Variants in SLC44A5 observed in about 807,000 individuals in gnomAD.
The protein encoded by SLC44A5 is solute carrier family 44 member 5, also known as choline transporter-like protein 5.
A neutral mutation model predicts 101.8 loss-of-function variants in SLC44A5; 57 were observed. That is an observed-to-expected ratio of 0.56 (90% CI 0.45 to 0.70). SLC44A5 has a LOEUF of 0.70. SLC44A5 is among the 30% of genes least tolerant of loss of function. The pLI is 0.00. For synonymous variants in SLC44A5, 281 were observed against 290.9 expected (o/e 0.97, Z 0.35); for missense variants, 737 against 853.1 (o/e 0.86, Z 1.70).
At chr1:75,712,713 A>AAAAAAAGAAAAAAAAAAAAAAAAAATAAC in the SLC44A5 span, among the ~76,000 whole-genome samples, 1 of 110,642 alleles carries the variant, frequency 9.0e-6, no homozygotes. Flanking sequence ...AAAAAAAAAA[A>AAAAAAAGAAAAAAAAAAAAAAAAAATAAC]ATGGAAAAGA....
At chr1:75,390,713 A>G (rs181262359) in intron 3 of SLC44A5, among the ~76,000 whole-genome samples, 1 of 152,322 alleles carries the variant, frequency 6.6e-6, no homozygotes, top group East Asian at 1.9e-4. Flanking sequence ...TGAGCAATTT[A>G]TGAAAAACCT....
At chr1:75,661,162 T>G in the SLC44A5 span, among the ~76,000 whole-genome samples, 1 of 151,794 alleles carries the variant, frequency 6.6e-6, no homozygotes, top group African/African-American at 2.4e-5. Context: ...GGAACAGAAT[T>G]GAAAACACAG....
intron 10 of SLC44A5, among the ~76,000 whole-genome samples, chr1:75,238,015 T>A (rs1480630987): frequency 6.6e-6 from 1 of 151,558 alleles, no homozygotes; most frequent in East Asian, 1.9e-4. Context: ...CCAAGGGACG[T>A]GGGGAATTTA....
At chr1:75,341,378 A>G (rs1657864432) in intron 3 of SLC44A5, among the ~76,000 whole-genome samples, 2 of 152,252 alleles carry the variant, frequency 1.3e-5, no homozygotes, top group Admixed American at 1.3e-4. Context: ...GCTATTCCAA[A>G]GGCTGAGGCA....
chr1:75,696,897 A>C, the SLC44A5 span, among the ~76,000 whole-genome samples: 1 of 152,102 alleles, frequency 6.6e-6, no homozygotes, highest in African/African-American at 2.4e-5. Flanking sequence ...TCAGAAAAAA[A>C]AAAAAGGTGA....
intron 3 of SLC44A5, among the ~76,000 whole-genome samples, chr1:75,359,975 A>G (rs1659369506): frequency 6.6e-6 from 1 of 152,110 alleles, no homozygotes; most frequent in Non-Finnish European, 1.5e-5. Context: ...TTTTTGAGAA[A>G]TGTCTGTTCA....
chr1:75,633,518 G>A, the SLC44A5 span, among the ~76,000 whole-genome samples: 2 of 152,060 alleles, frequency 1.3e-5, no homozygotes, highest in Non-Finnish European at 2.9e-5. Flanking sequence ...TTGGCTCTCT[G>A]TATGTCTGTT....
chr1:75,449,740 C>T (rs533922961), intron 2 of SLC44A5, among the ~76,000 whole-genome samples: 12 of 152,216 alleles, frequency 7.9e-5, no homozygotes, highest in African/African-American at 2.9e-4. Flanking sequence ...TGGTGGCTCA[C>T]GCCTGTAATC....
intron 2 of SLC44A5, among the ~76,000 whole-genome samples, chr1:75,500,846 A>G (rs1232267965): frequency 6.6e-6 from 1 of 152,184 alleles, no homozygotes; most frequent in Non-Finnish European, 1.5e-5. Context: ...AAGGGTTCCA[A>G]GGAGTCTAGT....
chr1:75,677,829 T>C, the SLC44A5 span: 1 of 389,728 alleles, frequency 2.6e-6, no homozygotes, highest in South Asian at 1.8e-5. Flanking sequence ...ATGGGTGATT[T>C]CTGCATTTCC....
intron 2 of SLC44A5, among the ~76,000 whole-genome samples, chr1:75,445,386 C>T (rs1665494701): frequency 1.3e-5 from 2 of 151,984 alleles, no homozygotes; most frequent in Non-Finnish European, 2.9e-5. Flanking sequence ...GCCTGTAGAA[C>T]CATGAGCTAA....
At chr1:75,316,003 T>C (rs933336619) in intron 4 of SLC44A5, among the ~76,000 whole-genome samples, 3 of 152,212 alleles carry the variant, frequency 2.0e-5, no homozygotes, top group Non-Finnish European at 1.5e-5. Flanking sequence ...TCTGGAGTGA[T>C]AGCACAGCCT....
chr1:75,264,604 C>A (rs12071030), intron 6 of SLC44A5, among the ~76,000 whole-genome samples: 4,402 of 151,614 alleles, frequency 0.029, 217 homozygotes, highest in African/African-American at 0.1. Context: ...AAAGGAAAAC[C>A]AAAACACAAT....
chr1:75,450,980 T>C (rs994769754), intron 2 of SLC44A5, among the ~76,000 whole-genome samples: 5 of 152,130 alleles, frequency 3.3e-5, no homozygotes, highest in African/African-American at 1.2e-4. Flanking sequence ...TCTTTAGGCA[T>C]CTGGAGCATC....
the SLC44A5 span, among the ~76,000 whole-genome samples, chr1:75,648,619 G>A: frequency 2.2e-4 from 34 of 152,058 alleles, no homozygotes; most frequent in African/African-American, 8.0e-4. Context: ...AAAGAAGGGA[G>A]AGGTGAGAGT....
At chr1:75,518,298 T>A (rs919017347) in intron 2 of SLC44A5, among the ~76,000 whole-genome samples, 2 of 152,204 alleles carry the variant, frequency 1.3e-5, no homozygotes, top group Non-Finnish European at 2.9e-5. Context: ...ATGATATAGT[T>A]TTAAGAATAC....
intron 4 of SLC44A5, among the ~76,000 whole-genome samples, chr1:75,338,780 T>C (rs1318149902): frequency 3.3e-5 from 5 of 152,178 alleles, no homozygotes; most frequent in Non-Finnish European, 7.3e-5. Flanking sequence ...TAACAGTAAA[T>C]GCTAACGTAC....
intron 2 of SLC44A5, among the ~76,000 whole-genome samples, chr1:75,439,335 T>C (rs1216204249): frequency 6.6e-6 from 1 of 152,088 alleles, no homozygotes; most frequent in Non-Finnish European, 1.5e-5. Context: ...GACTAGTCTG[T>C]GGTAACATGT....
intron 4 of SLC44A5, among the ~76,000 whole-genome samples, chr1:75,327,059 A>G (rs1441744861): frequency 1.3e-5 from 2 of 149,620 alleles, no homozygotes; most frequent in East Asian, 4.1e-4. Flanking sequence ...ATTTTCCTTC[A>G]GTTTTCACCA....
Sources: allele counts gnomAD v4.1 joint callset (sites outside exome capture counted in the v4.1 genomes callset), GRCh38; gene constraint gnomAD v4.1.1; transcripts MANE v1.5; gene names NCBI Gene and HGNC (gene_info 2026-07-23, HGNC 2026-07-21).